The following RPP14 variants were observed in gnomAD, a reference collection of about 807,000 sequenced individuals.
RPP14 encodes ribonuclease P/MRP subunit p14.
Under a neutral mutation model 17.8 loss-of-function variants are expected in RPP14, and 19 were observed. That is an observed-to-expected ratio of 1.07 (90% CI 0.74 to 1.57). The LOEUF is 1.57. Among genes scored for constraint, RPP14 ranks in the 40% most tolerant of loss-of-function variants. The pLI is 0.00. For synonymous variants in RPP14, 60 were observed against 56.4 expected (o/e 1.06, Z -0.29); for missense variants, 125 against 140.8 (o/e 0.89, Z 0.57).
intron 1 of RPP14, chr3:58,306,634 C>T (rs1009141547): frequency 6.6e-6 from 1 of 151,968 alleles, no homozygotes; most frequent in Admixed American, 6.5e-5. Flanking sequence ...TGAGCGCTCT[C>T]CATGCGCCCG....
intron 3 of RPP14, 73 bp from the exon 4 acceptor site, chr3:58,316,442 T>A (rs1251977217): frequency 1.5e-6 from 2 of 1,364,762 alleles, no homozygotes; most frequent in Non-Finnish European, 2.1e-6. Context: ...AAAACTCATT[T>A]GTTGTCAAAA....
At chr3:58,312,223 A>C (rs2097482996) in intron 3 of RPP14, among the ~76,000 whole-genome samples, 1 of 151,964 alleles carries the variant, frequency 6.6e-6, no homozygotes, top group Admixed American at 6.6e-5. Flanking sequence ...TCCTCCCAGT[A>C]GTGTGTGAGG....
chr3:58,306,815 C>A (rs1476773526), intron 1 of RPP14, among the ~76,000 whole-genome samples: 1 of 152,044 alleles, frequency 6.6e-6, no homozygotes, highest in African/African-American at 2.4e-5. Flanking sequence ...CAGCAGTGAA[C>A]AAGATAGCAA....
intron 3 of RPP14, among the ~76,000 whole-genome samples, chr3:58,314,265 C>A (rs933487055): frequency 1.3e-5 from 2 of 152,128 alleles, no homozygotes; most frequent in African/African-American, 2.4e-5. Flanking sequence ...GCAGGAGAAC[C>A]ACTTGAACCT....
chr3:58,307,826 C>T (rs924260973), intron 1 of RPP14: 11 of 151,428 alleles, frequency 7.3e-5, no homozygotes, highest in Non-Finnish European at 1.5e-4. Flanking sequence ...CCTTTAATGT[C>T]AGAACAGCCT....
intron 3 of RPP14, 51 bp downstream of exon 3, chr3:58,310,642 A>G: frequency 1.3e-6 from 2 of 1,521,628 alleles, no homozygotes; most frequent in Admixed American, 4.0e-5. Context: ...TGTAAGAAAT[A>G]CAGAAAGAGG....
rs770932690 is a variant in RPP14, at chr3:58,317,596, A to G, written c.*100A>G. 7.1e-6 allele frequency: 6 copies of G among 840,784 alleles called. No individual in the cohort carries two copies. The African/African-American group carries it at 8.4e-5, about 12-fold the overall frequency. 52.1% of individuals were successfully genotyped at this position (840,784 alleles called of 1,614,324 possible). On this transcript the variant is annotated 3_prime_UTR_variant, in exon 6 of 6. Coordinates refer to ENST00000295959, the MANE Select transcript of RPP14 (RefSeq NM_007042.6). ...GAAGCAGGCTAAAAGCTCTTGATGA[A>G]ATTTGAGGGTGCTGAAGATGTTCCC...
intron 3 of RPP14, among the ~76,000 whole-genome samples, chr3:58,314,077 G>T (rs566729285): frequency 7.5e-4 from 114 of 152,254 alleles, no homozygotes; most frequent in African/African-American, 2.7e-3. Context: ...CACATGGGGC[G>T]TGGTGGCTCA....
At chr3:58,308,579 A>G (rs1367414463) in intron 1 of RPP14, among the ~76,000 whole-genome samples, 4 of 152,084 alleles carry the variant, frequency 2.6e-5, no homozygotes, top group African/African-American at 9.7e-5. Flanking sequence ...CAAAGTATTA[A>G]TGTTTGTTGA....
chr3:58,306,878 T>C (rs2097475675), intron 1 of RPP14, among the ~76,000 whole-genome samples: 1 of 152,034 alleles, frequency 6.6e-6, no homozygotes, highest in Non-Finnish European at 1.5e-5. Flanking sequence ...CAGATAAAGA[T>C]AAACGAGTTA....
intron 3 of RPP14, among the ~76,000 whole-genome samples, chr3:58,316,280 A>G (rs2097488213): frequency 6.6e-6 from 1 of 152,220 alleles, no homozygotes; most frequent in Non-Finnish European, 1.5e-5. Context: ...AGATCAGTCA[A>G]GGAACAATTT....
At chr3:58,306,915 G>A (rs2097475777) in intron 1 of RPP14, among the ~76,000 whole-genome samples, 1 of 152,208 alleles carries the variant, frequency 6.6e-6, no homozygotes. Flanking sequence ...AAAGGCAAAT[G>A]CTACGAAGAA....
chr3:58,311,205 A>G (rs1021127527), intron 3 of RPP14, among the ~76,000 whole-genome samples: 2 of 151,970 alleles, frequency 1.3e-5, no homozygotes, highest in Non-Finnish European at 2.9e-5. Context: ...CCCAGGCTGG[A>G]GTGCAATGGC....
rs1473638504 is a variant in RPP14 at position 58,306,318 on chromosome 3, G to C, written c.-121G>C. On this transcript the variant is annotated 5_prime_UTR_variant, in exon 1 of 6. Transcript: ENST00000295959. ...AACGTAAAGACACCAGGAGTTTCTCGGGCCCAGCTGTGGCTGCTGCCGGGG... is the reference window on the plus strand; with the variant it reads ...AACGTAAAGACACCAGGAGTTTCTCCGGCCCAGCTGTGGCTGCTGCCGGGG... 6.6e-6 allele frequency: 1 copy of C among 152,360 alleles called. No individual in the cohort carries two copies. The highest frequency in any genetic ancestry group is 1.5e-5 in the Non-Finnish European group (1 of 68,134). 9.4% of individuals were successfully genotyped at this position (152,360 alleles called of 1,614,324 possible).
At chr3:58,308,243 C>A (rs2097477827) in intron 1 of RPP14, among the ~76,000 whole-genome samples, 1 of 152,096 alleles carries the variant, frequency 6.6e-6, no homozygotes, top group Non-Finnish European at 1.5e-5. Context: ...TCACTTTTCT[C>A]TCATTTGAAT....
At chr3:58,307,091 C>T (rs116365502) in intron 1 of RPP14, among the ~76,000 whole-genome samples, 1 of 152,008 alleles carries the variant, frequency 6.6e-6, no homozygotes, top group South Asian at 2.1e-4. Flanking sequence ...GAGCCGAGGC[C>T]CAGCGGTGGG....
chr3:58,310,409 A>G lies in RPP14; in HGVS notation c.77+3A>G, dbSNP rs748628779. 3 of 1,613,690 alleles carry G rather than the reference A, an allele frequency of 1.9e-6. No individual in the cohort carries two copies. The highest frequency in any genetic ancestry group is 2.5e-6 in the Non-Finnish European group (3 of 1,179,622). The stretch of plus-strand genomic sequence containing the variant: ...TACCACTACATGAAAGTCTGCCTGT[A>G]AGTTTAGTTTCCTAAGTTCTATTTT... On this transcript the variant is annotated splice_donor_region_variant and intron_variant, in intron 2 of 5. Coordinates refer to ENST00000295959, the MANE Select transcript of RPP14 (RefSeq NM_007042.6).
chr3:58,315,706 C>G (rs540589160), intron 3 of RPP14: 14 of 152,206 alleles, frequency 9.2e-5, no homozygotes, highest in African/African-American at 3.4e-4. Context: ...AACAGAGTTT[C>G]GCTCTTCTTG....
At chr3:58,307,964 A>G (rs1044618898) in intron 1 of RPP14, 5 of 151,734 alleles carry the variant, frequency 3.3e-5, no homozygotes, top group African/African-American at 1.2e-4. Flanking sequence ...ACCACTGTCC[A>G]TCTCGTGAAT....
Sources: allele counts gnomAD v4.1 joint callset (sites outside exome capture counted in the v4.1 genomes callset), GRCh38; gene constraint gnomAD v4.1.1; transcripts MANE v1.5; gene names NCBI Gene and HGNC (gene_info 2026-07-23, HGNC 2026-07-21).